The following MYO5A variants were observed in gnomAD, a reference collection of about 807,000 sequenced individuals.
The protein encoded by MYO5A is unconventional myosin-Va.
A neutral mutation model predicts 249.7 loss-of-function variants in MYO5A; 98 were observed. The observed-to-expected ratio is 0.39, with a 90% confidence interval of 0.33 to 0.46. MYO5A has a LOEUF of 0.46. MYO5A is among the 20% of genes least tolerant of loss of function. The pLI, the probability that MYO5A is intolerant of heterozygous loss-of-function variation, is 0.98. For synonymous variants in MYO5A, 778 were observed against 810.6 expected, an observed-to-expected ratio of 0.96 and a Z score of 0.68; for missense variants, 1,696 against 2,308.8, an observed-to-expected ratio of 0.73 and a Z score of 5.44.
chr15:52,524,395 A>C (rs999900634), intron 1 of MYO5A, among the ~76,000 whole-genome samples: 16 of 150,966 alleles, frequency 1.1e-4, no homozygotes, highest in East Asian at 2.0e-4. Context: ...CTCTGTAAAA[A>C]GTACAAAAAT....
intron 1 of MYO5A, among the ~76,000 whole-genome samples, chr15:52,497,768 A>AG (rs2077071046): frequency 6.6e-6 from 1 of 150,540 alleles, no homozygotes; most frequent in Non-Finnish European, 1.5e-5. Flanking sequence ...AAAAAAAAAA[A>AG]AAAAAAAAAG....
chr15:52,389,718 C>CA (rs2042132418), intron 12 of MYO5A, among the ~76,000 whole-genome samples: 1 of 152,080 alleles, frequency 6.6e-6, no homozygotes, highest in African/African-American at 2.4e-5. Flanking sequence ...TTTGGGAAGC[C>CA]AAGGCAGGTG....
chr15:52,397,599 G>T, intron 9 of MYO5A, 133 bp from the exon 10 acceptor site: 2 of 1,046,504 alleles, frequency 1.9e-6, no homozygotes, highest in Non-Finnish European at 2.9e-6. Flanking sequence ...ATCACTCAAA[G>T]TTGATTAGTG....
At chr15:52,424,910 C>G (rs182302246) in intron 4 of MYO5A, among the ~76,000 whole-genome samples, 66 of 152,270 alleles carry the variant, frequency 4.3e-4, no homozygotes, top group African/African-American at 1.5e-3. Flanking sequence ...AGACATTTTG[C>G]AGATGCTGTT....
chr15:52,401,113 C>T (rs530994226), intron 9 of MYO5A, among the ~76,000 whole-genome samples: 7 of 142,034 alleles, frequency 4.9e-5, no homozygotes, highest in African/African-American at 1.8e-4. Flanking sequence ...CTCTATCCTC[C>T]AGGCTGGAGT....
At chr15:52,326,838 G>A (rs1198620183) in intron 36 of MYO5A, among the ~76,000 whole-genome samples, 1 of 152,088 alleles carries the variant, frequency 6.6e-6, no homozygotes. Context: ...TTGATAATCC[G>A]AAAGCAAAGT....
chr15:52,427,169 G>A (rs1355789445), intron 3 of MYO5A, among the ~76,000 whole-genome samples: 1 of 151,864 alleles, frequency 6.6e-6, no homozygotes, highest in African/African-American at 2.4e-5. Flanking sequence ...TATTTCCTAA[G>A]AATTTTTCTG....
In MYO5A at chr15:52,308,047, G is replaced by A. The variant is rs1185252841; in HGVS notation, c.*5649C>T. The A allele has an allele frequency of 2.6e-5, 4 of 152,080 alleles. No individual in the cohort carries two copies. Among genetic ancestry groups the A allele is most frequent in the Non-Finnish European group, 5.9e-5 (4 of 67,990 alleles). The allele number at this position is 152,080 out of a possible 1,614,324, so 9.4% of individuals were successfully genotyped here. A position where few individuals can be genotyped will look rare whatever the true frequency, so the allele number is the denominator to read the frequency against. On this transcript the variant is annotated 3_prime_UTR_variant, in exon 42 of 42. Transcript: ENST00000399233. Reference sequence around the variant, plus strand: ...AATAAGATTTGAAACTGCTGACTCTGAAAAATGCATAAAAATATACTAACC... The same window carrying A: ...AATAAGATTTGAAACTGCTGACTCTAAAAAATGCATAAAAATATACTAACC...
At chr15:52,518,136 T>C (rs927535433) in intron 1 of MYO5A, among the ~76,000 whole-genome samples, 5 of 151,988 alleles carry the variant, frequency 3.3e-5, no homozygotes, top group Admixed American at 1.3e-4. Context: ...TCCCAAGAGA[T>C]ATCTAGCAAT....
In MYO5A at chr15:52,310,884, G is replaced by C. The variant is rs1241202717; in HGVS notation, c.*2812C>G. 2 of 152,200 alleles carry C rather than the reference G, an allele frequency of 1.3e-5. No individual in the cohort carries two copies. The highest frequency in any genetic ancestry group is 4.8e-5 in the African/African-American group (2 of 41,432). The allele number at this position is 152,200 out of a possible 1,614,324, so 9.4% of individuals were successfully genotyped here. A position where few individuals can be genotyped will look rare whatever the true frequency, so the allele number is the denominator to read the frequency against. On this transcript the variant is annotated 3_prime_UTR_variant, in exon 42 of 42. Coordinates refer to ENST00000399233, the MANE Select transcript of MYO5A (RefSeq NM_001382347.1). ...TATACAGAATCATTTACTGGGCCTT[G>C]GGGTTCCCTGGTTACAAGGTATTCT...
chr15:52,438,576 G>A (rs2075716836), intron 1 of MYO5A, among the ~76,000 whole-genome samples: 1 of 152,204 alleles, frequency 6.6e-6, no homozygotes, highest in African/African-American at 2.4e-5. Context: ...CACCTTTAAA[G>A]ATGGGGCTTG....
intron 1 of MYO5A, among the ~76,000 whole-genome samples, chr15:52,484,407 A>G (rs1373422175): frequency 2.0e-5 from 3 of 152,168 alleles, no homozygotes; most frequent in African/African-American, 7.2e-5. Flanking sequence ...ATTAAAGACA[A>G]AAGTATTTTG....
In MYO5A at chr15:52,337,792, C is replaced by G; in HGVS notation, c.4314+18G>C. 4.6e-6 allele frequency: 7 copies of G among 1,513,886 alleles called. No individual in the cohort carries two copies. Among genetic ancestry groups the G allele is most frequent in the Non-Finnish European group, 6.3e-6 (7 of 1,116,618 alleles). The allele number at this position is 1,513,886 out of a possible 1,614,324, so 93.8% of individuals were successfully genotyped here. ...GTAGCAAGGGAAGACAGCAGAAAAGCACTATGGTTTTACATACAATCATCC... is the reference window on the plus strand; with the variant it reads ...GTAGCAAGGGAAGACAGCAGAAAAGGACTATGGTTTTACATACAATCATCC... On this transcript the variant is annotated intron_variant, in intron 33 of 41. Transcript: ENST00000399233.
intron 21 of MYO5A, among the ~76,000 whole-genome samples, chr15:52,371,689 A>ACATGAGAC (rs1379865314): frequency 2.0e-5 from 3 of 152,030 alleles, no homozygotes; most frequent in African/African-American, 7.2e-5. Context: ...CAGCCTGGCA[A>ACATGAGAC]CATGAGACCC....
chr15:52,485,170 C>T (rs938137003), intron 1 of MYO5A, among the ~76,000 whole-genome samples: 7 of 151,076 alleles, frequency 4.6e-5, no homozygotes, highest in African/African-American at 1.5e-4. Context: ...TTTCAACTAA[C>T]TTCTTAATCC....
chr15:52,426,312 A>C (rs574401838), intron 3 of MYO5A, among the ~76,000 whole-genome samples: 70 of 126,706 alleles, frequency 5.5e-4, no homozygotes, highest in Non-Finnish European at 9.9e-4. Context: ...AAATTCATGC[A>C]AAGAGTTTTT....
At chr15:52,476,543 T>C (rs2141474183) in intron 1 of MYO5A, among the ~76,000 whole-genome samples, 1 of 152,348 alleles carries the variant, frequency 6.6e-6, no homozygotes, top group Middle Eastern at 3.4e-3. Flanking sequence ...GTTGTTCCTT[T>C]CCATGTTTAA....
In MYO5A at chr15:52,313,600, T is replaced by C; in HGVS notation, c.*96A>G. 2 of 1,457,542 alleles carry C rather than the reference T, an allele frequency of 1.4e-6. No homozygotes were observed. The highest frequency in any genetic ancestry group is 2.8e-5 in the African/African-American group (2 of 71,376). 90.3% of individuals were successfully genotyped at this position (1,457,542 alleles called of 1,614,324 possible). A position where few individuals can be genotyped will look rare whatever the true frequency, so the allele number is the denominator to read the frequency against. On this transcript the variant is annotated 3_prime_UTR_variant, in exon 42 of 42. Transcript: ENST00000399233. ...TCTCATTTGGGAGATAATCAGTACT[T>C]TCTCTTTAAAAATGTATTTTCAGTA...
rs1050797706 is a variant in MYO5A at position 52,355,159 on chromosome 15, A to G, written c.3424-1145T>C. Reference sequence around the variant, plus strand: ...TTACAATCAGGAAGAATGATTTTTGAAAATATGAAATGCCAGCATAAATAT... The same window carrying G: ...TTACAATCAGGAAGAATGATTTTTGGAAATATGAAATGCCAGCATAAATAT... On this transcript the variant is annotated intron_variant, in intron 25 of 41. Coordinates refer to ENST00000399233, the MANE Select transcript of MYO5A (RefSeq NM_001382347.1). Among the ~76,000 whole-genome samples, 8 of 152,326 alleles carry G rather than the reference A, an allele frequency of 5.3e-5. No homozygotes were observed. The South Asian group carries it at 1.4e-3, about 28-fold the overall frequency.
Sources: gnomAD v4.1 joint callset for allele counts (sites outside exome capture counted in the v4.1 genomes callset) on GRCh38, gnomAD v4.1.1 for gene constraint, MANE v1.5 for transcripts, NCBI Gene and HGNC (gene_info 2026-07-23, HGNC 2026-07-21) for gene names.